Variants in CIDEC observed in about 807,000 individuals in gnomAD.
The protein encoded by CIDEC is lipid transferase CIDEC.
In CIDEC, 11 loss-of-function variants were observed where a neutral mutation model predicts 21.9. The ratio of observed to expected loss-of-function variants is 0.50; its 90% confidence interval spans 0.32 to 0.83. The LOEUF is 0.83. Among genes scored for constraint, CIDEC ranks in the 40% least tolerant of loss-of-function variants. The probability of loss-of-function intolerance (pLI) is 0.04; values close to 1 mark genes in which losing one functional copy is unlikely to be tolerated. For synonymous variants in CIDEC, 127 were observed against 124.9 expected, an observed-to-expected ratio of 1.02 and a Z score of -0.11; for missense variants, 302 against 302.3, an observed-to-expected ratio of 1.00 and a Z score of 0.01.
Position 9,867,016 on chromosome 3 carries a change from T to C in CIDEC, c.*118A>G, listed in dbSNP as rs139686529. 2.7e-6 allele frequency: 3 copies of C among 1,095,972 alleles called. No individual in the cohort carries two copies. The highest frequency in any genetic ancestry group is 4.2e-6 in the Non-Finnish European group (3 of 709,842). 67.9% of individuals were successfully genotyped at this position (1,095,972 alleles called of 1,614,324 possible). ...CCTCCTCACTCAGGGTCCTGCGCGG[T>C]GAGGGAGGTGTGGGGAGGTTCGCGG... is the stretch of plus-strand genomic sequence containing the variant. On this transcript the variant is annotated 3_prime_UTR_variant, in exon 7 of 7. Coordinates refer to ENST00000336832, the MANE Select transcript of CIDEC (RefSeq NM_001321142.2).
intron 2 of CIDEC, 26 bp from the exon 3 acceptor site, chr3:9,878,537 T>C: frequency 6.3e-7 from 1 of 1,597,634 alleles, no homozygotes; most frequent in Non-Finnish European, 8.6e-7. Context: ...AAACAATTCA[T>C]CAGGGTGAGA....
Position 9,867,174 on chromosome 3 carries a change from G to T in CIDEC, c.677C>A (p.Ala226Asp). 6.2e-7 allele frequency: 1 copy of T among 1,613,924 alleles called. No homozygotes were observed. Among genetic ancestry groups the T allele is most frequent in the Non-Finnish European group, 8.5e-7 (1 of 1,180,044 alleles). Residue 226 changes from alanine to aspartate, a missense_variant, in exon 7 of 7, where the codon GCC (alanine) becomes GAC (aspartate). Coordinates refer to ENST00000336832, the MANE Select transcript of CIDEC (RefSeq NM_001321142.2). ...TEEGQPPKGK[A>D]SSLIPTCLKI... Reference sequence around the variant, plus strand: ...CAGACAGGTCGGGATAAGGGATGAGGCCTTGCCCTTGGGGGGCTGCCCTTC... The same window carrying T: ...CAGACAGGTCGGGATAAGGGATGAGTCCTTGCCCTTGGGGGGCTGCCCTTC...
At chr3:9,871,340 A>G (rs1259675744) in intron 4 of CIDEC, among the ~76,000 whole-genome samples, 2 of 145,630 alleles carry the variant, frequency 1.4e-5, no homozygotes, top group Non-Finnish European at 3.0e-5. Flanking sequence ...CATGTTGCCC[A>G]GCTAATTTTT....
intron 5 of CIDEC, 25 bp from the exon 6 acceptor site, chr3:9,870,094 A>G (rs777381293): frequency 6.2e-7 from 1 of 1,614,108 alleles, no homozygotes; most frequent in Non-Finnish European, 8.5e-7. Flanking sequence ...GCAAATGGTT[A>G]GCACCCCTTG....
At position 9,866,972 on chromosome 3, in the gene CIDEC, C is replaced by T. The variant is rs28575453; in HGVS notation, c.*162G>A. On this transcript the variant is annotated 3_prime_UTR_variant, in exon 7 of 7. Coordinates refer to ENST00000336832, the MANE Select transcript of CIDEC (RefSeq NM_001321142.2). ...TTGAGGTTCTCCTTTGGCCAACCCA[C>T]CCCAGGTTTCCAGCTCCTCCTCCTC... 43,260 of 822,126 alleles carry T rather than the reference C, an allele frequency of 0.053. 1,444 individuals are homozygous for T. Among genetic ancestry groups the T allele is most frequent in the Middle Eastern group, 0.082 (241 of 2,950 alleles). The allele number at this position is 822,126 out of a possible 1,614,324, so 50.9% of individuals were successfully genotyped here.
chr3:9,873,555 G>C (rs1277935721), intron 4 of CIDEC, among the ~76,000 whole-genome samples: 2 of 152,178 alleles, frequency 1.3e-5, no homozygotes, highest in Non-Finnish European at 2.9e-5. Context: ...GGTGGAGCTT[G>C]CAGTGAGCTG....
chr3:9,877,318 G>T, intron 3 of CIDEC, 99 bp from the exon 4 acceptor site: 1 of 1,200,440 alleles, frequency 8.3e-7, no homozygotes, highest in Non-Finnish European at 1.2e-6. Context: ...CTGGGCTCAT[G>T]ATCAGTCAAC....
intron 3 of CIDEC, 141 bp downstream of exon 3, chr3:9,878,293 G>A (rs1353248393): frequency 1.4e-5 from 10 of 728,910 alleles, no homozygotes; most frequent in South Asian, 7.5e-5. Flanking sequence ...GCAAAATCTC[G>A]GGTCCCACTC....
chr3:9,876,711 C>T (rs1437698888), intron 4 of CIDEC, among the ~76,000 whole-genome samples: 1 of 146,046 alleles, frequency 6.8e-6, no homozygotes. Context: ...GAGCCAAGAT[C>T]GCGCCATTGC....
intron 4 of CIDEC, among the ~76,000 whole-genome samples, 184 bp downstream of exon 4, chr3:9,876,882 C>A (rs996782611): frequency 8.5e-5 from 13 of 152,096 alleles, no homozygotes; most frequent in African/African-American, 2.9e-4. Context: ...CGTACTGCCC[C>A]CCTCCTGTTA....
chr3:9,869,815 G>T, intron 6 of CIDEC, 67 bp downstream of exon 6: 2 of 1,453,862 alleles, frequency 1.4e-6, no homozygotes, highest in Non-Finnish European at 1.9e-6. Context: ...CTGAGTCCAT[G>T]TGGACAGATA....
chr3:9,867,014 G>T lies in CIDEC; in HGVS notation c.*120C>A, dbSNP rs568897034. On this transcript the variant is annotated 3_prime_UTR_variant, in exon 7 of 7. Transcript: ENST00000336832. ...CTCCTCCTCACTCAGGGTCCTGCGC[G>T]GTGAGGGAGGTGTGGGGAGGTTCGC... 2 of 1,083,462 alleles carry T rather than the reference G, an allele frequency of 1.8e-6. No individual in the cohort carries two copies. Among genetic ancestry groups the T allele is most frequent in the Non-Finnish European group, 2.9e-6 (2 of 700,090 alleles). The allele number at this position is 1,083,462 out of a possible 1,614,324, so 67.1% of individuals were successfully genotyped here.
chr3:9,876,730 C>A (rs1188858732), intron 4 of CIDEC, among the ~76,000 whole-genome samples: 4 of 132,566 alleles, frequency 3.0e-5, no homozygotes, highest in Non-Finnish European at 4.6e-5. Context: ...GCACTCCAGC[C>A]TGGATGACAA....
At chr3:9,879,207 C>T (rs1378619985) in intron 1 of CIDEC, among the ~76,000 whole-genome samples, 153 bp from the exon 2 acceptor site, 2 of 139,452 alleles carry the variant, frequency 1.4e-5, no homozygotes, top group East Asian at 2.0e-4. Context: ...GGCTGGAGTG[C>T]AATGGGGCGA....
chr3:9,870,558 C>T (rs2082334394), intron 4 of CIDEC: 1 of 1,275,782 alleles, frequency 7.8e-7, no homozygotes, highest in African/African-American at 1.5e-5. Context: ...CTAAAAGTTA[C>T]CCTCTAAAAG....
At position 9,871,194 on chromosome 3, in the gene CIDEC, T is replaced by C. The variant is rs575657477; in HGVS notation, c.208-872A>G. On this transcript the variant is annotated intron_variant, in intron 4 of 6. Transcript: ENST00000336832. ...TTTAATTTTTTTTTTTTTTTTTTTT[T>C]CTGGGGAGAAGGCCTTGCTCTTTAA... Among the ~76,000 whole-genome samples the C allele has an allele frequency of 8.1e-4, 121 of 148,662 alleles. 1 individual carries two copies. The highest frequency in any genetic ancestry group is 1.9e-3 in the South Asian group (9 of 4,646).
chr3:9,868,550 G>A (rs891030694), intron 6 of CIDEC, among the ~76,000 whole-genome samples: 5 of 152,222 alleles, frequency 3.3e-5, no homozygotes, highest in African/African-American at 7.2e-5. Flanking sequence ...GGCTGAAATA[G>A]CATAAAGCAA....
At chr3:9,875,764 C>G (rs925245179) in intron 4 of CIDEC, among the ~76,000 whole-genome samples, 1 of 152,218 alleles carries the variant, frequency 6.6e-6, no homozygotes, top group Non-Finnish European at 1.5e-5. Flanking sequence ...GCAACTTACT[C>G]TCAAATGATT....
intron 6 of CIDEC, among the ~76,000 whole-genome samples, chr3:9,868,889 T>C (rs2082307830): frequency 6.6e-6 from 1 of 152,108 alleles, no homozygotes; most frequent in Admixed American, 6.6e-5. Context: ...TATGGTCATA[T>C]CTCACTGCAG....
Sources: allele counts gnomAD v4.1 joint callset (sites outside exome capture counted in the v4.1 genomes callset), GRCh38; gene constraint gnomAD v4.1.1; transcripts MANE v1.5; gene names NCBI Gene and HGNC (gene_info 2026-07-23, HGNC 2026-07-21).